Variants in NELL2 observed in about 807,000 individuals in gnomAD.
NELL2 encodes protein kinase C-binding protein NELL2.
NELL2 carries 41 observed loss-of-function variants against 109.6 expected under a neutral mutation model. The observed-to-expected ratio is 0.37, with a 90% CI of 0.29 to 0.49. The LOEUF is 0.49. Among genes scored for constraint, NELL2 ranks in the 20% least tolerant of loss-of-function variants. The probability of loss-of-function intolerance (pLI) is 0.98; values close to 1 mark genes in which losing one functional copy is unlikely to be tolerated. For synonymous variants in NELL2, 355 were observed against 344.7 expected, an observed-to-expected ratio of 1.03 and a Z score of -0.33; for missense variants, 900 against 1,008.3, an observed-to-expected ratio of 0.89 and a Z score of 1.45.
chr12:44,552,050 G>A (rs186717109), intron 15 of NELL2, among the ~76,000 whole-genome samples: 5 of 152,224 alleles, frequency 3.3e-5, no homozygotes, highest in Admixed American at 1.3e-4. Flanking sequence ...CTAAGCTTGG[G>A]GAGTTTCCAT....
At chr12:44,826,256 C>T (rs1324946368) in intron 2 of NELL2, among the ~76,000 whole-genome samples, 1 of 152,094 alleles carries the variant, frequency 6.6e-6, no homozygotes, top group Non-Finnish European at 1.5e-5. Flanking sequence ...AATAAAAATA[C>T]AATGTATAAA....
At chr12:44,558,515 A>C (rs1353726542) in intron 15 of NELL2, among the ~76,000 whole-genome samples, 3 of 152,186 alleles carry the variant, frequency 2.0e-5, no homozygotes, top group Non-Finnish European at 4.4e-5. Flanking sequence ...AGGGCGAGCC[A>C]AAGCCAGGGC....
In NELL2 at chr12:44,791,098, T is replaced by TCACAC. The variant is rs1555217721; in HGVS notation, c.336-11077_336-11076insGTGTG. On this transcript the variant is annotated intron_variant, in intron 3 of 19. Transcript: ENST00000429094. ...ATATATATACATATATATATATATG[T>TCACAC]ATATATATATGTATATATATATGTA... Among the ~76,000 whole-genome samples the TCACAC allele has an allele frequency of 4.9e-4, 8 of 16,336 alleles. No homozygotes were observed. In the East Asian group the frequency reaches 6.4e-3, roughly 13 times the overall value. 10.7% of individuals were successfully genotyped at this position (16,336 alleles called of 152,430 possible). A position where few individuals can be genotyped will look rare whatever the true frequency, so the allele number is the denominator to read the frequency against.
intron 12 of NELL2, among the ~76,000 whole-genome samples, chr12:44,681,742 T>C (rs944607725): frequency 1.3e-5 from 2 of 152,178 alleles, no homozygotes; most frequent in Non-Finnish European, 2.9e-5. Flanking sequence ...ACAAAGGACA[T>C]GAACTCATCA....
In NELL2 at chr12:44,508,842, C is replaced by A; in HGVS notation, c.*92G>T. The A allele has an allele frequency of 1.9e-6, 2 of 1,080,562 alleles. No individual in the cohort carries two copies. The highest frequency in any genetic ancestry group is 2.0e-5 in the Admixed American group (1 of 49,738). 66.9% of individuals were successfully genotyped at this position (1,080,562 alleles called of 1,614,324 possible). On this transcript the variant is annotated 3_prime_UTR_variant, in exon 20 of 20. Coordinates refer to ENST00000429094, the MANE Select transcript of NELL2 (RefSeq NM_001145108.2). ...TATTAACAAAGCTGCATTTAGCTGC[C>A]CACAAATCACCCAATTTAAGTTTTA... is the stretch of plus-strand genomic sequence containing the variant.
chr12:44,774,969 A>G, intron 8 of NELL2, 120 bp from the exon 9 acceptor site: 2 of 691,708 alleles, frequency 2.9e-6, no homozygotes, highest in Non-Finnish European at 2.4e-6. Flanking sequence ...CAGGCCATTC[A>G]TTGCCAGGAG....
At chr12:44,534,764 T>C (rs1218179125) in intron 15 of NELL2, among the ~76,000 whole-genome samples, 2 of 152,090 alleles carry the variant, frequency 1.3e-5, no homozygotes, top group Non-Finnish European at 2.9e-5. Flanking sequence ...GTTAGAGTCA[T>C]TCGTTTTAGA....
At chr12:44,771,349 A>ATT (rs1254910912) in intron 9 of NELL2, among the ~76,000 whole-genome samples, 22 of 144,800 alleles carry the variant, frequency 1.5e-4, no homozygotes, top group African/African-American at 4.5e-4. Flanking sequence ...GTTTTTTTAA[A>ATT]AAAAAAAAAG....
At chr12:44,866,294 G>A (rs948449608) in intron 2 of NELL2, among the ~76,000 whole-genome samples, 1 of 152,106 alleles carries the variant, frequency 6.6e-6, no homozygotes, top group Non-Finnish European at 1.5e-5. Context: ...CTAGAAATCA[G>A]TAACAGGAGA....
At chr12:44,791,844 A>G (rs1311517325) in intron 3 of NELL2, among the ~76,000 whole-genome samples, 3 of 152,172 alleles carry the variant, frequency 2.0e-5, no homozygotes, top group Admixed American at 1.3e-4. Flanking sequence ...AGCTAGATTT[A>G]TAAGTCTGAG....
rs747114359 is a variant in NELL2, at chr12:44,520,117, T to C, written c.2288A>G (p.Asp763Gly). 19 of 1,614,050 alleles carry C rather than the reference T, an allele frequency of 1.2e-5. No individual in the cohort carries two copies. Among genetic ancestry groups the C allele is most frequent in the Admixed American group, 1.7e-5 (1 of 59,996 alleles). ...CTTGGTGATGTCATTGCGGATGGTG[T>C]CAGCCTGGCAAGGGTCTGTGACACA... ...PRCVTDPCQA[D>G]TIRNDITKTC... Residue 763 changes from aspartate (D) to glycine (G), a missense_variant, in exon 19 of 20, where the codon GAC becomes GGC. By Grantham distance (94) the Asp-to-Gly change is moderately conservative. Around this residue, in one of 4 missense-constraint regions of NELL2, gnomAD observed 333 missense variants for 432.3 expected, o/e 0.77. Coordinates refer to ENST00000429094, the MANE Select transcript of NELL2 (RefSeq NM_001145108.2).
rs1450021665 is a variant in NELL2 at position 44,508,428 on chromosome 12, T to C, written c.*506A>G. The stretch of plus-strand genomic sequence containing the variant: ...ATTAAGTAACCATGCCTGTGCATTA[T>C]TTTTATCATTACAATAACTTGTTTC... On this transcript the variant is annotated 3_prime_UTR_variant, in exon 20 of 20. Coordinates refer to ENST00000429094, the MANE Select transcript of NELL2 (RefSeq NM_001145108.2). 6.5e-6 allele frequency: 1 copy of C among 152,722 alleles called. No homozygotes were observed. Among genetic ancestry groups the C allele is most frequent in the Non-Finnish European group, 1.5e-5 (1 of 68,132 alleles). 9.5% of individuals were successfully genotyped at this position (152,722 alleles called of 1,614,324 possible). A position where few individuals can be genotyped will look rare whatever the true frequency, so the allele number is the denominator to read the frequency against.
At chr12:44,687,476 G>A (rs1012079583) in intron 12 of NELL2, among the ~76,000 whole-genome samples, 2 of 152,154 alleles carry the variant, frequency 1.3e-5, no homozygotes, top group African/African-American at 2.4e-5. Flanking sequence ...AGGTTTTCCT[G>A]TCATTAACCA....
intron 1 of NELL2, among the ~76,000 whole-genome samples, chr12:44,899,743 C>A (rs145202206): frequency 0.038 from 5,820 of 152,112 alleles, 149 homozygotes; most frequent in Non-Finnish European, 0.058. Flanking sequence ...AATGACAGGA[C>A]CAAATTCACA....
At chr12:44,797,410 A>T (rs917500703) in intron 3 of NELL2, among the ~76,000 whole-genome samples, 3 of 152,020 alleles carry the variant, frequency 2.0e-5, no homozygotes, top group African/African-American at 7.2e-5. Flanking sequence ...CAGATGTGCA[A>T]AAAATTTGGC....
At chr12:44,876,612 G>A (rs1945334644), upstream of NELL2, 1 of 1,550,436 alleles carries the variant, frequency 6.4e-7, no homozygotes, top group Non-Finnish European at 8.7e-7. Flanking sequence ...CTCACCCCTC[G>A]ATTTCGGGCG....
chr12:44,771,841 C>T (rs923697423), intron 9 of NELL2, among the ~76,000 whole-genome samples: 1 of 152,106 alleles, frequency 6.6e-6, no homozygotes, highest in African/African-American at 2.4e-5. Context: ...ATAGGACTGC[C>T]CAGAAATGCG....
intron 3 of NELL2, among the ~76,000 whole-genome samples, chr12:44,796,551 T>G (rs1942627192): frequency 6.6e-6 from 1 of 152,122 alleles, no homozygotes; most frequent in Non-Finnish European, 1.5e-5. Context: ...ACTGAGAATC[T>G]GTCAATAAAC....
At chr12:44,646,347 T>C (rs752541469) in intron 13 of NELL2, among the ~76,000 whole-genome samples, 34 of 152,288 alleles carry the variant, frequency 2.2e-4, no homozygotes, top group East Asian at 7.7e-4. Flanking sequence ...AGAGTGATCT[T>C]GTAGACAGTA....
Sources: allele counts gnomAD v4.1 joint callset (sites outside exome capture counted in the v4.1 genomes callset), GRCh38; gene constraint gnomAD v4.1.1; regional missense constraint gnomAD v4.1.1; transcripts MANE v1.5; gene names NCBI Gene and HGNC (gene_info 2026-07-23, HGNC 2026-07-21).